Variants in ERICH6B observed in about 807,000 individuals in gnomAD.
ERICH6B encodes glutamate-rich protein 6B.
A neutral mutation model predicts 80.0 loss-of-function variants in ERICH6B; 69 were observed. The ratio of observed to expected loss-of-function variants is 0.86; its 90% CI spans 0.71 to 1.05. ERICH6B has a LOEUF of 1.05. Ranked by LOEUF, ERICH6B falls within the 50% of genes least tolerant of loss-of-function variation. The pLI, the probability that ERICH6B is intolerant of heterozygous loss-of-function variation, is 0.00. For synonymous variants in ERICH6B, 283 were observed against 291.9 expected, an observed-to-expected ratio of 0.97 and a Z score of 0.31; for missense variants, 754 against 796.1, an observed-to-expected ratio of 0.95 and a Z score of 0.64.
chr13:45,554,007 G>T (rs1006252791), intron 11 of ERICH6B, among the ~76,000 whole-genome samples: 1 of 152,104 alleles, frequency 6.6e-6, no homozygotes. Context: ...TTTCAGGTAT[G>T]CAATGTATTG....
chr13:45,598,291 C>T lies in ERICH6B; in HGVS notation c.-58-1228G>A, dbSNP rs181111607. Among the ~76,000 whole-genome samples the T allele has an allele frequency of 2.2e-3, 340 of 152,192 alleles. 2 individuals carry two copies. The highest frequency in any genetic ancestry group is 8.0e-3 in the African/African-American group (331 of 41,498). The stretch of plus-strand genomic sequence containing the variant: ...CCCACCGTATCTCTGATGGTTAGCT[C>T]GGAGCCTGGTGCATAATAGATGTTC... On this transcript the variant is annotated intron_variant, in intron 2 of 14. Transcript: ENST00000298738.
intron 13 of ERICH6B, among the ~76,000 whole-genome samples, chr13:45,545,918 G>A (rs1873973346): frequency 6.6e-6 from 1 of 152,228 alleles, no homozygotes; most frequent in East Asian, 1.9e-4. Flanking sequence ...ATATATGTAT[G>A]TATTTCCCCT....
At chr13:45,544,354 C>A (rs189220648) in intron 14 of ERICH6B, among the ~76,000 whole-genome samples, 4 of 152,230 alleles carry the variant, frequency 2.6e-5, no homozygotes, top group Admixed American at 2.6e-4. Flanking sequence ...GGATTACAGG[C>A]ATAAGCCACC....
chr13:45,606,523 ATATATATATATATATATATATATATTTT>A lies in ERICH6B; in HGVS notation c.-59+1013_-59+1040del, dbSNP rs1566307727. On this transcript the variant is annotated intron_variant, in intron 2 of 14. Transcript: ENST00000298738. ...TGTATGTGTATATATATATATATATATATATATATATATATATATATATATTTTTTTTTTTTTTTTTTTTTTTGGAGAC... is the reference window on the plus strand; with the variant it reads ...TGTATGTGTATATATATATATATATATTTTTTTTTTTTTTTTTTTGGAGAC... Among the ~76,000 whole-genome samples, 89 of 34,402 alleles carry A rather than the reference ATATATATATATATATATATATATATTTT, an allele frequency of 2.6e-3. 2 individuals are homozygous for A. The South Asian group carries it at 0.056, about 22-fold the overall frequency. The allele number at this position is 34,402 out of a possible 152,430, so 22.6% of individuals were successfully genotyped here.
rs539755093 is a variant in ERICH6B at position 45,600,183 on chromosome 13, C to T, written c.-58-3120G>A. Among the ~76,000 whole-genome samples, 10 of 152,192 alleles carry T rather than the reference C, an allele frequency of 6.6e-5. No individual in the cohort carries two copies. In the South Asian group the frequency reaches 8.3e-4, roughly 13 times the overall value. On this transcript the variant is annotated intron_variant, in intron 2 of 14. Transcript: ENST00000298738. ...ACCTCAACATACCACCTATTATTGC[C>T]GTCTACTTCTAACTCCCACTGGCTG...
At chr13:45,547,543 G>T (rs1874040789) in intron 13 of ERICH6B, among the ~76,000 whole-genome samples, 1 of 152,190 alleles carries the variant, frequency 6.6e-6, no homozygotes, top group Non-Finnish European at 1.5e-5. Flanking sequence ...AATGCTAAAA[G>T]CCACACGCAG....
intron 11 of ERICH6B, among the ~76,000 whole-genome samples, chr13:45,558,305 G>A (rs1304618009): frequency 6.6e-6 from 1 of 152,162 alleles, no homozygotes; most frequent in Non-Finnish European, 1.5e-5. Flanking sequence ...AAACTTTGCT[G>A]GATTAATTTA....
intron 11 of ERICH6B, among the ~76,000 whole-genome samples, chr13:45,554,252 A>G (rs1874342717): frequency 1.3e-5 from 2 of 152,208 alleles, no homozygotes; most frequent in South Asian, 2.1e-4. Flanking sequence ...TTCACTTAGC[A>G]TAATCCTCTC....
intron 7 of ERICH6B, among the ~76,000 whole-genome samples, chr13:45,579,367 C>A (rs1239961484): frequency 6.6e-5 from 10 of 152,126 alleles, no homozygotes; most frequent in Admixed American, 6.6e-4. Flanking sequence ...AGATCTTAGT[C>A]CCTAAATTGT....
chr13:45,571,617 C>T (rs1341226415), intron 8 of ERICH6B, among the ~76,000 whole-genome samples: 1 of 152,194 alleles, frequency 6.6e-6, no homozygotes, highest in African/African-American at 2.4e-5. Flanking sequence ...TCCCTGCTTC[C>T]CTGCCACCCA....
At chr13:45,556,531 T>G (rs530305854) in intron 11 of ERICH6B, among the ~76,000 whole-genome samples, 5 of 152,270 alleles carry the variant, frequency 3.3e-5, no homozygotes, top group African/African-American at 1.2e-4. Context: ...CAATTTGTAG[T>G]CTTTTATCCA....
chr13:45,590,736 A>G, intron 3 of ERICH6B, 39 bp from the exon 4 acceptor site: 1 of 1,520,302 alleles, frequency 6.6e-7, no homozygotes, highest in South Asian at 1.2e-5. Flanking sequence ...ATTGGCAAAA[A>G]AGCATCTTTC....
At chr13:45,563,537 T>C in intron 10 of ERICH6B, 190 bp downstream of exon 10, 1 of 606,664 alleles carries the variant, frequency 1.6e-6, no homozygotes, top group South Asian at 2.2e-5. Flanking sequence ...AGAAACTCAC[T>C]GGGGCCCTAG....
Position 45,564,717 on chromosome 13 carries a change from T to C in ERICH6B, c.1188-929A>G, listed in dbSNP as rs114498938. 4.9e-3 allele frequency among the ~76,000 whole-genome samples: 753 copies of C among 152,304 alleles called. 4 individuals carry two copies. The highest frequency in any genetic ancestry group is 0.017 in the African/African-American group (725 of 41,570). ...ATAATGCAAGGACTTTTAATGGAATTGAAGCAGTTACCTAGCCTATTGGCA... is the reference window on the plus strand; with the variant it reads ...ATAATGCAAGGACTTTTAATGGAATCGAAGCAGTTACCTAGCCTATTGGCA... On this transcript the variant is annotated intron_variant, in intron 9 of 14. Coordinates refer to ENST00000298738, the MANE Select transcript of ERICH6B (RefSeq NM_182542.3).
intron 4 of ERICH6B, among the ~76,000 whole-genome samples, chr13:45,587,793 C>T (rs1039902858): frequency 5.3e-5 from 8 of 152,192 alleles, no homozygotes; most frequent in African/African-American, 1.9e-4. Context: ...CACATCAACC[C>T]ACACTATGTT....
chr13:45,579,270 C>T (rs1875554852), intron 7 of ERICH6B, among the ~76,000 whole-genome samples: 1 of 152,126 alleles, frequency 6.6e-6, no homozygotes, highest in South Asian at 2.1e-4. Flanking sequence ...ATTTGATAAG[C>T]CATGGGGTGG....
chr13:45,564,252 C>A (rs1566290838), intron 9 of ERICH6B, among the ~76,000 whole-genome samples: 1 of 152,242 alleles, frequency 6.6e-6, no homozygotes, highest in Non-Finnish European at 1.5e-5. Flanking sequence ...ATCATGAAAG[C>A]CACACGAGTC....
At chr13:45,587,305 A>T in intron 4 of ERICH6B, 73 bp from the exon 5 acceptor site, 1 of 1,363,558 alleles carries the variant, frequency 7.3e-7, no homozygotes, top group Non-Finnish European at 1.0e-6. Context: ...AAGGCATGTT[A>T]GGGGTTGAGG....
chr13:45,549,736 A>G (rs538333131), intron 13 of ERICH6B, among the ~76,000 whole-genome samples, 157 bp downstream of exon 13: 1 of 152,354 alleles, frequency 6.6e-6, no homozygotes, highest in South Asian at 2.1e-4. Context: ...CTCTGTGGTC[A>G]GGGACCTCAT....
Sources: gnomAD v4.1 joint callset for allele counts (sites outside exome capture counted in the v4.1 genomes callset) on GRCh38, gnomAD v4.1.1 for gene constraint, MANE v1.5 for transcripts, NCBI Gene and HGNC (gene_info 2026-07-23, HGNC 2026-07-21) for gene names.